The following PHLPP1 variants were observed in gnomAD, a reference collection of about 807,000 sequenced individuals.
PHLPP1 encodes PH domain and leucine rich repeat protein phosphatase 1, also known as PH domain leucine-rich repeat-containing protein phosphatase 1.
Under a neutral mutation model 117.2 loss-of-function variants are expected in PHLPP1, and 42 were observed. That is an observed-to-expected ratio of 0.36 (90% CI 0.28 to 0.46). PHLPP1 has a LOEUF of 0.46. Ranked by LOEUF, PHLPP1 falls within the 20% of genes least tolerant of loss-of-function variation. The probability of loss-of-function intolerance (pLI) is 1.00; values close to 1 mark genes in which losing one functional copy is unlikely to be tolerated. For synonymous variants in PHLPP1, 1,042 were observed against 970.7 expected (o/e 1.07, Z -1.37); for missense variants, 2,084 against 2,241.9 (o/e 0.93, Z 1.42).
At chr18:62,934,777 A>G (rs1232234765) in intron 10 of PHLPP1, among the ~76,000 whole-genome samples, 2 of 152,176 alleles carry the variant, frequency 1.3e-5, no homozygotes, top group Non-Finnish European at 2.9e-5. Context: ...TCCTCAGCTC[A>G]TGTGTGGATA....
intron 14 of PHLPP1, 86 bp downstream of exon 14, chr18:62,963,558 C>G: frequency 1.2e-6 from 1 of 822,446 alleles, no homozygotes; most frequent in South Asian, 1.6e-5. Flanking sequence ...AGTGCTGTAG[C>G]ACACACTTTT....
intron 1 of PHLPP1, among the ~76,000 whole-genome samples, chr18:62,723,309 T>C (rs570173354): frequency 3.3e-5 from 5 of 152,374 alleles, no homozygotes; most frequent in African/African-American, 1.2e-4. Context: ...AACTGGAGCT[T>C]GGCTAAAAGT....
At chr18:62,742,641 G>C (rs553039686) in intron 1 of PHLPP1, among the ~76,000 whole-genome samples, 9 of 152,222 alleles carry the variant, frequency 5.9e-5, no homozygotes, top group African/African-American at 2.2e-4. Context: ...TCACCGTGTT[G>C]GTCAGGCTGG....
At chr18:62,781,480 C>T (rs1166290950) in intron 1 of PHLPP1, among the ~76,000 whole-genome samples, 1 of 152,140 alleles carries the variant, frequency 6.6e-6, no homozygotes, top group Non-Finnish European at 1.5e-5. Context: ...AGTTTTGGCT[C>T]CTGGCTCCAC....
Position 62,915,022 on chromosome 18 carries a change from A to G in PHLPP1, c.2804+14A>G. ...ACTTCCTGCCCGGTGAGTATTACAG[A>G]TCAAATGAGAGGATCTCACAATAAA... On this transcript the variant is annotated intron_variant, in intron 9 of 16. Coordinates refer to ENST00000262719, the MANE Select transcript of PHLPP1 (RefSeq NM_194449.4). 1 of 1,551,454 alleles carries G rather than the reference A, an allele frequency of 6.4e-7. No individual in the cohort carries two copies. Among genetic ancestry groups the G allele is most frequent in the Non-Finnish European group, 8.9e-7 (1 of 1,129,006 alleles).
chr18:62,723,848 TGATTTCCTCATTTGTAAGACGA>T (rs1420637594), intron 1 of PHLPP1, among the ~76,000 whole-genome samples: 2 of 152,228 alleles, frequency 1.3e-5, no homozygotes, highest in Non-Finnish European at 2.9e-5. Context: ...CCCTGGGCTT[TGATTTCCTCATTTGTAAGACGA>T]TGGGGTTGGA....
At chr18:62,783,168 A>G (rs1414720457) in intron 1 of PHLPP1, among the ~76,000 whole-genome samples, 1 of 147,964 alleles carries the variant, frequency 6.8e-6, no homozygotes, top group Non-Finnish European at 1.5e-5. Flanking sequence ...AAAAAAAAAG[A>G]TGAGTCACGT....
chr18:62,921,247 A>G (rs1033368821), intron 10 of PHLPP1, among the ~76,000 whole-genome samples: 27 of 152,364 alleles, frequency 1.8e-4, no homozygotes, highest in African/African-American at 6.5e-4. Context: ...TGAAGGATCT[A>G]ACTTTTAGTG....
intron 12 of PHLPP1, among the ~76,000 whole-genome samples, chr18:62,948,768 G>A (rs900842047): frequency 1.3e-5 from 2 of 151,638 alleles, no homozygotes; most frequent in African/African-American, 2.4e-5. Flanking sequence ...TTCATCCCTG[G>A]ACAGATAGTA....
At chr18:62,726,671 C>T (rs573584839) in intron 1 of PHLPP1, among the ~76,000 whole-genome samples, 1 of 147,634 alleles carries the variant, frequency 6.8e-6, no homozygotes, top group African/African-American at 2.5e-5. Flanking sequence ...ACAACCTCTG[C>T]CTCCCGGGTT....
At chr18:62,812,004 C>T (rs1041665621) in intron 1 of PHLPP1, among the ~76,000 whole-genome samples, 3 of 152,098 alleles carry the variant, frequency 2.0e-5, no homozygotes, top group African/African-American at 7.2e-5. Context: ...CTAATTTAAA[C>T]AATAGCTGTG....
At position 62,931,205 on chromosome 18, in the gene PHLPP1, A is replaced by ACAACAAC. The variant is rs1555682659; in HGVS notation, c.2961-10513_2961-10512insCAACAAC. The stretch of plus-strand genomic sequence containing the variant: ...GAGAGAGACTCCATCTAAAAAAAAA[A>ACAACAAC]AACAACAACAACAACAATGAATACA... On this transcript the variant is annotated intron_variant, in intron 10 of 16. Coordinates refer to ENST00000262719, the MANE Select transcript of PHLPP1 (RefSeq NM_194449.4). Among the ~76,000 whole-genome samples the ACAACAAC allele has an allele frequency of 5.5e-3, 822 of 148,596 alleles. 13 individuals carry two copies. The highest frequency in any genetic ancestry group is 0.019 in the African/African-American group (782 of 40,382).
chr18:62,729,459 G>A (rs949072189), intron 1 of PHLPP1, among the ~76,000 whole-genome samples: 2 of 152,186 alleles, frequency 1.3e-5, no homozygotes, highest in African/African-American at 4.8e-5. Context: ...CACTTTGGGA[G>A]GCTGAAGCGG....
chr18:62,958,683 C>A lies in PHLPP1; in HGVS notation c.3379C>A (p.Pro1127Thr). 1 of 1,613,898 alleles carries A rather than the reference C, an allele frequency of 6.2e-7. No homozygotes were observed. The highest frequency in any genetic ancestry group is 2.2e-5 in the East Asian group (1 of 44,878). The change falls in exon 13 of 17, where the codon CCT becomes ACT. Residue 1127 changes from proline to threonine, a missense_variant. This residue lies in a region of PHLPP1 where 1,365 missense variants were observed against 1,605.9 expected (regional missense o/e 0.85). Coordinates refer to ENST00000262719, the MANE Select transcript of PHLPP1 (RefSeq NM_194449.4). ...TGAAGTCACATTACCAGAAAACCTG[C>A]CTCCCAAACTGCAGGAGCTAGACCT... ...LSEVTLPENL[P>T]PKLQELDLTG...
chr18:62,847,397 G>A (rs1042844689), intron 3 of PHLPP1, among the ~76,000 whole-genome samples: 1 of 152,180 alleles, frequency 6.6e-6, no homozygotes, highest in Admixed American at 6.5e-5. Context: ...TGTGTTCTTG[G>A]TGGAACTCTG....
intron 12 of PHLPP1, among the ~76,000 whole-genome samples, chr18:62,950,297 G>A (rs936594626): frequency 4.6e-5 from 7 of 152,188 alleles, no homozygotes; most frequent in African/African-American, 1.7e-4. Flanking sequence ...CCTTAACTGG[G>A]AAATGGAGTA....
chr18:62,809,941 T>C (rs1191789758), intron 1 of PHLPP1, among the ~76,000 whole-genome samples: 1 of 152,226 alleles, frequency 6.6e-6, no homozygotes, highest in Admixed American at 6.5e-5. Flanking sequence ...CTATTTGGTG[T>C]TGTGAGTAGG....
chr18:62,748,247 G>GTT (rs59135441), intron 1 of PHLPP1, among the ~76,000 whole-genome samples: 16 of 137,992 alleles, frequency 1.2e-4, no homozygotes, highest in South Asian at 2.3e-4. Context: ...GGTTTTTTTT[G>GTT]TTTTTTTTTT....
rs1481154311 is a variant in PHLPP1 at position 62,716,452 on chromosome 18, G to T, written c.769G>T (p.Ala257Ser). The change falls in exon 1 of 17, where the codon GCC becomes TCC. Residue 257 changes from alanine to serine, a missense_variant. Coordinates refer to ENST00000262719, the MANE Select transcript of PHLPP1 (RefSeq NM_194449.4). The surrounding 1 kb of genome is among the most constrained non-coding windows in gnomAD (Gnocchi z 5.7). ...VLGQGPGAAA[A>S]REPAEPPPEA... ...GGGCCAGGGGCCCGGAGCCGCCGCC[G>T]CCCGGGAGCCCGCTGAACCGCCCCC... 6 of 1,299,028 alleles carry T rather than the reference G, an allele frequency of 4.6e-6. No homozygotes were observed. Among genetic ancestry groups the T allele is most frequent in the African/African-American group, 1.5e-5 (1 of 64,612 alleles). The allele number at this position is 1,299,028 out of a possible 1,614,324, so 80.5% of individuals were successfully genotyped here. A position where few individuals can be genotyped will look rare whatever the true frequency, so the allele number is the denominator to read the frequency against.
Sources: allele counts gnomAD v4.1 joint callset (sites outside exome capture counted in the v4.1 genomes callset), GRCh38; gene constraint gnomAD v4.1.1; regional missense constraint gnomAD v4.1.1; non-coding constraint Gnocchi (gnomAD v3.1); transcripts MANE v1.5; gene names NCBI Gene and HGNC (gene_info 2026-07-23, HGNC 2026-07-21).